KCNQ5: variants seen among roughly 807,000 people sequenced by gnomAD.
KCNQ5 encodes potassium voltage-gated channel subfamily Q member 5, also known as potassium voltage-gated channel subfamily KQT member 5.
A neutral mutation model predicts 98.2 loss-of-function variants in KCNQ5; 30 were observed. That is an observed-to-expected ratio of 0.31 (90% confidence interval 0.23 to 0.41). The LOEUF (loss-of-function observed/expected upper bound fraction) is 0.41, where lower values mean the gene tolerates loss of function less well. KCNQ5 is among the 10% of genes least tolerant of loss of function. The probability of loss-of-function intolerance (pLI) is 1.00; values close to 1 mark genes in which losing one functional copy is unlikely to be tolerated. For synonymous variants in KCNQ5, 458 were observed against 449.4 expected (o/e 1.02, Z -0.24); for missense variants, 835 against 1,182.5 (o/e 0.71, Z 4.31).
chr6:72,961,435 G>C (rs556622486), intron 1 of KCNQ5, among the ~76,000 whole-genome samples: 63 of 151,990 alleles, frequency 4.1e-4, no homozygotes, highest in African/African-American at 1.2e-3. Flanking sequence ...GGCTAACACG[G>C]TGAAACCCCG....
intron 1 of KCNQ5, among the ~76,000 whole-genome samples, chr6:72,745,658 T>C (rs1202493434): frequency 6.6e-6 from 1 of 152,178 alleles, no homozygotes; most frequent in East Asian, 1.9e-4. Flanking sequence ...TTCTAACCCT[T>C]CTTAAAAGGA....
At chr6:72,779,629 G>A (rs1054059785) in intron 1 of KCNQ5, among the ~76,000 whole-genome samples, 2 of 151,932 alleles carry the variant, frequency 1.3e-5, no homozygotes, top group African/African-American at 4.8e-5. Context: ...TAAACTAAGC[G>A]GGAGGGTTCT....
intron 1 of KCNQ5, among the ~76,000 whole-genome samples, chr6:72,703,644 G>A (rs1768934581): frequency 6.6e-6 from 1 of 152,178 alleles, no homozygotes; most frequent in Admixed American, 6.5e-5. Flanking sequence ...AGTCTATAAA[G>A]TAGCAAGTTT....
At chr6:72,789,924 G>T (rs372240871) in intron 1 of KCNQ5, among the ~76,000 whole-genome samples, 1 of 152,252 alleles carries the variant, frequency 6.6e-6, no homozygotes, top group South Asian at 2.1e-4. Flanking sequence ...ATGCACTTAC[G>T]TTTCACAAAG....
intron 1 of KCNQ5, among the ~76,000 whole-genome samples, chr6:72,949,139 T>C (rs1312353719): frequency 6.6e-6 from 1 of 152,190 alleles, no homozygotes; most frequent in Non-Finnish European, 1.5e-5. Context: ...AAATGGATGC[T>C]GAAGGCTGGA....
At chr6:73,000,766 G>A (rs903651018) in intron 1 of KCNQ5, among the ~76,000 whole-genome samples, 12 of 152,048 alleles carry the variant, frequency 7.9e-5, no homozygotes, top group African/African-American at 2.9e-4. Flanking sequence ...CCTTGTTCCT[G>A]CCTCTCACTA....
At chr6:73,105,129 A>G (rs1408534113) in intron 5 of KCNQ5, 128 bp from the exon 6 acceptor site, 3 of 525,616 alleles carry the variant, frequency 5.7e-6, no homozygotes, top group South Asian at 3.4e-5. Context: ...ATTAAAGCAC[A>G]GTAATAAAAA....
At chr6:72,811,663 C>T (rs1481931218) in intron 1 of KCNQ5, among the ~76,000 whole-genome samples, 1 of 152,156 alleles carries the variant, frequency 6.6e-6, no homozygotes, top group Non-Finnish European at 1.5e-5. Flanking sequence ...ATGATTCTTT[C>T]TGCCCCAGTA....
At chr6:72,893,286 G>GT (rs11321086) in intron 1 of KCNQ5, among the ~76,000 whole-genome samples, 35 of 151,556 alleles carry the variant, frequency 2.3e-4, no homozygotes, top group Middle Eastern at 6.8e-3. Context: ...GGCTATTGTG[G>GT]TTTTTTTTTA....
intron 8 of KCNQ5, among the ~76,000 whole-genome samples, chr6:73,123,928 AT>A (rs2150443472): frequency 6.6e-6 from 1 of 152,320 alleles, no homozygotes; most frequent in African/African-American, 2.4e-5. Flanking sequence ...TTAGACCTAC[AT>A]TTGCTAAAAT....
intron 1 of KCNQ5, among the ~76,000 whole-genome samples, chr6:72,717,407 G>A (rs1191327377): frequency 1.3e-5 from 2 of 152,108 alleles, no homozygotes; most frequent in Non-Finnish European, 2.9e-5. Context: ...GAAACATACT[G>A]TATTTCATAA....
At chr6:72,802,122 A>G (rs868574778) in intron 1 of KCNQ5, among the ~76,000 whole-genome samples, 7 of 151,818 alleles carry the variant, frequency 4.6e-5, no homozygotes, top group Admixed American at 1.3e-4. Context: ...TGCTCTTCTC[A>G]AGGAGTATCT....
At chr6:72,629,063 G>T (rs1463344324) in intron 1 of KCNQ5, among the ~76,000 whole-genome samples, 1 of 152,064 alleles carries the variant, frequency 6.6e-6, no homozygotes, top group African/African-American at 2.4e-5. Context: ...CCAGAACACT[G>T]CCTGTCACAT....
intron 1 of KCNQ5, among the ~76,000 whole-genome samples, chr6:72,971,979 A>C (rs201190166): frequency 5.9e-5 from 9 of 152,298 alleles, no homozygotes; most frequent in East Asian, 5.8e-4. Context: ...CTAGAACTTA[A>C]AGTATAATTT....
intron 1 of KCNQ5, among the ~76,000 whole-genome samples, chr6:72,641,325 A>G (rs2098927077): frequency 6.6e-6 from 1 of 152,160 alleles, no homozygotes; most frequent in African/African-American, 2.4e-5. Context: ...ACACAAAAAT[A>G]CATTTATTAT....
chr6:73,107,206 A>G (rs1338831977), intron 6 of KCNQ5, among the ~76,000 whole-genome samples: 4 of 152,222 alleles, frequency 2.6e-5, no homozygotes, highest in Non-Finnish European at 5.9e-5. Flanking sequence ...GTGAAAAACT[A>G]TGAACAAGGA....
At chr6:73,066,388 C>A (rs1773058747) in intron 3 of KCNQ5, among the ~76,000 whole-genome samples, 1 of 152,136 alleles carries the variant, frequency 6.6e-6, no homozygotes, top group Admixed American at 6.5e-5. Context: ...GCTTTAACAT[C>A]AGCCTACCCC....
intron 10 of KCNQ5, among the ~76,000 whole-genome samples, chr6:73,164,893 C>T (rs1357256290): frequency 6.6e-6 from 1 of 152,118 alleles, no homozygotes; most frequent in Non-Finnish European, 1.5e-5. Context: ...AGAAGTACCT[C>T]TCATTCAGTT....
At chr6:73,029,017 G>T (rs376429823) in intron 2 of KCNQ5, among the ~76,000 whole-genome samples, 1 of 152,158 alleles carries the variant, frequency 6.6e-6, no homozygotes, top group Non-Finnish European at 1.5e-5. Context: ...GTGGATAGAG[G>T]CCGTCACCCA....
Sources: gnomAD v4.1 joint callset for allele counts (sites outside exome capture counted in the v4.1 genomes callset) on GRCh38, gnomAD v4.1.1 for gene constraint, MANE v1.5 for transcripts, NCBI Gene and HGNC (gene_info 2026-07-23, HGNC 2026-07-21) for gene names.